The following DIS3 variants were observed in gnomAD, a reference collection of about 807,000 sequenced individuals.
The protein encoded by DIS3 is DIS3 exosome endoribonuclease and 3'-5' exoribonuclease, also known as exosome complex exonuclease RRP44.
In DIS3, 103 loss-of-function variants were observed where a neutral mutation model predicts 113.0. The observed-to-expected ratio is 0.91, with a 90% CI of 0.78 to 1.07. The LOEUF (loss-of-function observed/expected upper bound fraction) is 1.07, where lower values mean the gene tolerates loss of function less well. Ranked by LOEUF, DIS3 falls within the 50% of genes least tolerant of loss-of-function variation. The pLI is 0.00. For missense variants in DIS3, 1,121 were observed against 1,167.1 expected, an observed-to-expected ratio of 0.96 and a Z score of 0.58; for synonymous variants, 402 against 394.3, an observed-to-expected ratio of 1.02 and a Z score of -0.23.
At chr13:72,781,177 G>C (rs1188767145) in intron 1 of DIS3, 174 bp from the exon 2 acceptor site, 4 of 1,409,786 alleles carry the variant, frequency 2.8e-6, no homozygotes, top group Non-Finnish European at 2.0e-6. Context: ...AAACCCTTCA[G>C]ATCTATTAAA....
intron 16 of DIS3, among the ~76,000 whole-genome samples, chr13:72,762,714 A>AGGCCGGGCGCGG (rs2033655381): frequency 6.6e-6 from 1 of 152,208 alleles, no homozygotes; most frequent in Admixed American, 6.5e-5. Flanking sequence ...AGTAGTGGGT[A>AGGCCGGGCGCGG]TACAGGGCTG....
At chr13:72,779,542 C>T (rs896996530) in intron 2 of DIS3, among the ~76,000 whole-genome samples, 1 of 152,076 alleles carries the variant, frequency 6.6e-6, no homozygotes, top group Non-Finnish European at 1.5e-5. Context: ...GAGGTACTAA[C>T]AATAAGAAGC....
At chr13:72,778,483 ATGG>A in intron 2 of DIS3, 103 bp from the exon 3 acceptor site, 1 of 839,062 alleles carries the variant, frequency 1.2e-6, no homozygotes. Flanking sequence ...GAAAAAGTCA[ATGG>A]TATATCTTTT....
chr13:72,760,936 G>A (rs1371238845), intron 19 of DIS3, among the ~76,000 whole-genome samples: 2 of 151,952 alleles, frequency 1.3e-5, no homozygotes, highest in African/African-American at 4.8e-5. Context: ...TAGTCTAGTA[G>A]AGGAACACAA....
chr13:72,771,751 T>C, intron 11 of DIS3, 44 bp downstream of exon 11: 7 of 1,575,734 alleles, frequency 4.4e-6, no homozygotes, highest in Non-Finnish European at 6.1e-6. Context: ...TTAAGAATCC[T>C]TAAGTGTCCA....
rs28756154 is a variant in DIS3 at position 72,760,906 on chromosome 13, A to C, written c.2671-255T>G. On this transcript the variant is annotated intron_variant, in intron 19 of 20. Transcript: ENST00000377767. ...TTCTTGGTGATTAATTAATCACCCC[A>C]CTAATAAATAGGAAATTTTTAGTCT... 0.027 allele frequency among the ~76,000 whole-genome samples: 4,038 copies of C among 152,226 alleles called. 72 individuals carry two copies. Among genetic ancestry groups the C allele is most frequent in the Non-Finnish European group, 0.041 (2,756 of 67,972 alleles).
In DIS3 at chr13:72,777,455, G is replaced by A. The variant is rs766760064; in HGVS notation, c.619C>T (p.Leu207Phe). ...GACAAACAAGCAAGACGATCTATGA[G>A]TTCGGGGTTAGCAGTTAGGCTCTTT... ...YVKSLTANPE[L>F]IDRLACLSEE... Residue 207 changes from leucine to phenylalanine, a missense_variant, in exon 4 of 21, where the codon CTC (leucine) becomes TTC (phenylalanine). Physicochemically the swap from Leu to Phe is conservative, Grantham distance 22. Transcript: ENST00000377767. The A allele has an allele frequency of 2.8e-5, 45 of 1,613,970 alleles. No homozygotes were observed. The highest frequency in any genetic ancestry group is 3.6e-5 in the Non-Finnish European group (42 of 1,180,004).
chr13:72,776,572 T>C (rs576917048), intron 4 of DIS3, among the ~76,000 whole-genome samples: 68 of 152,298 alleles, frequency 4.5e-4, no homozygotes, highest in African/African-American at 1.6e-3. Context: ...TTAAAACCTA[T>C]TTCTATAACA....
At position 72,763,506 on chromosome 13, in the gene DIS3, T is replaced by C. The variant is rs1463844162; in HGVS notation, c.2072A>G (p.His691Arg). 6.2e-7 allele frequency: 1 copy of C among 1,614,014 alleles called. No homozygotes were observed. Among genetic ancestry groups the C allele is most frequent in the Non-Finnish European group, 8.5e-7 (1 of 1,179,986 alleles). The change falls in exon 16 of 21, where the codon CAT becomes CGT. Residue 691 changes from histidine to arginine, a missense_variant. Coordinates refer to ENST00000377767, the MANE Select transcript of DIS3 (RefSeq NM_014953.5). ...EFSEHALLRK[H>R]PAPPPSNYEI... ...ATAATTTGATGGAGGTGGAGCAGGATGTTTTCGAAGCAGAGCATGTTCAGA... is the reference window on the plus strand; with the variant it reads ...ATAATTTGATGGAGGTGGAGCAGGACGTTTTCGAAGCAGAGCATGTTCAGA...
intron 2 of DIS3, among the ~76,000 whole-genome samples, chr13:72,779,958 T>C (rs2034114807): frequency 1.3e-5 from 2 of 152,106 alleles, no homozygotes; most frequent in African/African-American, 4.8e-5. Context: ...TTATGTAATA[T>C]AACGTAATAG....
chr13:72,756,268 G>A lies in DIS3; in HGVS notation c.*3527C>T, dbSNP rs1431855216. The A allele has an allele frequency of 6.5e-5, 14 of 214,542 alleles. No homozygotes were observed. Among genetic ancestry groups the A allele is most frequent in the Admixed American group, 2.3e-4 (4 of 17,028 alleles). 13.3% of individuals were successfully genotyped at this position (214,542 alleles called of 1,614,324 possible). ...TGCTGACCTGCAGAAAATGTGCCGC[G>A]TTATGTACCTGGCTCATCTTCAACA... is the stretch of plus-strand genomic sequence containing the variant. On this transcript the variant is annotated 3_prime_UTR_variant, in exon 21 of 21. Coordinates refer to ENST00000377767, the MANE Select transcript of DIS3 (RefSeq NM_014953.5).
rs994219221 is a variant in DIS3 at position 72,754,536 on chromosome 13, T to C, written c.*5259A>G. ...CAGCAAATGTGCAACAAATGTTTAATAGGGAGGCCACCTTAGTTTTCCTTT... is the reference window on the plus strand; with the variant it reads ...CAGCAAATGTGCAACAAATGTTTAACAGGGAGGCCACCTTAGTTTTCCTTT... On this transcript the variant is annotated 3_prime_UTR_variant, in exon 21 of 21. Coordinates refer to ENST00000377767, the MANE Select transcript of DIS3 (RefSeq NM_014953.5). 1 of 152,168 alleles carries C rather than the reference T, an allele frequency of 6.6e-6. No individual in the cohort carries two copies. Among genetic ancestry groups the C allele is most frequent in the Non-Finnish European group, 1.5e-5 (1 of 68,126 alleles). 9.4% of individuals were successfully genotyped at this position (152,168 alleles called of 1,614,324 possible).
chr13:72,762,028 C>T lies in DIS3; in HGVS notation c.2237G>A (p.Arg746His), dbSNP rs566599772. The change falls in exon 17 of 21, where the codon CGC becomes CAC. Residue 746 changes from arginine (R) to histidine (H), a missense_variant. Coordinates refer to ENST00000377767, the MANE Select transcript of DIS3 (RefSeq NM_014953.5). ...LNTLLRILAT[R>H]CMMQAVYFCS... ...GAAGTACACAGCTTGCATCATACAG[C>T]GAGTGGCTAATATTCTCAACAGAGT... 417 of 1,614,038 alleles carry T rather than the reference C, an allele frequency of 2.6e-4. 3 individuals carry two copies. The South Asian group carries it at 4.2e-3, about 16-fold the overall frequency.
At chr13:72,772,580 G>C (rs988963007) in intron 9 of DIS3, 113 bp downstream of exon 9, 2 of 1,141,340 alleles carry the variant, frequency 1.8e-6, no homozygotes, top group Non-Finnish European at 2.4e-6. Context: ...CCAACAAAAT[G>C]CAGGAAAAGA....
intron 1 of DIS3, 61 bp downstream of exon 1, chr13:72,781,544 C>T: frequency 6.8e-7 from 1 of 1,460,768 alleles, no homozygotes; most frequent in South Asian, 1.4e-5. Context: ...GCCTCAGTTT[C>T]CCTGTCATAC....
At chr13:72,761,122 T>C (rs1481648182) in intron 19 of DIS3, among the ~76,000 whole-genome samples, 1 of 151,838 alleles carries the variant, frequency 6.6e-6, no homozygotes, top group African/African-American at 2.4e-5. Flanking sequence ...CTTTACATGG[T>C]ATAAAAGAAA....
chr13:72,777,587 T>C, intron 3 of DIS3, 94 bp from the exon 4 acceptor site: 1 of 1,048,538 alleles, frequency 9.5e-7, no homozygotes, highest in East Asian at 2.6e-5. Flanking sequence ...TACACGTCAT[T>C]CTTTCATTCA....
rs902452411 is a variant in DIS3, at chr13:72,756,713, T to G, written c.*3082A>C. On this transcript the variant is annotated 3_prime_UTR_variant, in exon 21 of 21. Transcript: ENST00000377767. Reference sequence around the variant, plus strand: ...GGTCTCATGAGATCTGAAGGTTTTATAAGCGTCTGGCATTTCCACTGCTGG... The same window carrying G: ...GGTCTCATGAGATCTGAAGGTTTTAGAAGCGTCTGGCATTTCCACTGCTGG... 2 of 152,232 alleles carry G rather than the reference T, an allele frequency of 1.3e-5. No homozygotes were observed. The highest frequency in any genetic ancestry group is 2.9e-5 in the Non-Finnish European group (2 of 68,080). The allele number at this position is 152,232 out of a possible 1,614,324, so 9.4% of individuals were successfully genotyped here.
chr13:72,769,767 CATT>C (rs1165419502), intron 13 of DIS3, among the ~76,000 whole-genome samples: 3 of 152,172 alleles, frequency 2.0e-5, no homozygotes, highest in African/African-American at 7.2e-5. Flanking sequence ...ATTCACACAT[CATT>C]ATTTACCAGT....
Sources: allele counts gnomAD v4.1 joint callset (sites outside exome capture counted in the v4.1 genomes callset), GRCh38; gene constraint gnomAD v4.1.1; transcripts MANE v1.5; gene names NCBI Gene and HGNC (gene_info 2026-07-23, HGNC 2026-07-21).